Variants in TUBB8 observed in about 807,000 individuals in gnomAD.
TUBB8 encodes tubulin beta 8 class VIII.
TUBB8 carries 25 observed loss-of-function variants against 33.7 expected under a neutral mutation model. The ratio of observed to expected loss-of-function variants is 0.74; its 90% CI spans 0.54 to 1.04. The LOEUF (loss-of-function observed/expected upper bound fraction) is 1.04, where lower values mean the gene tolerates loss of function less well. Ranked by LOEUF, TUBB8 falls within the 50% of genes least tolerant of loss-of-function variation. TUBB8 has a pLI of 0.00. For synonymous variants in TUBB8, 245 were observed against 240.1 expected (o/e 1.02, Z -0.19); for missense variants, 279 against 608.0 (o/e 0.46, Z 5.69).
At chr10:68,883 T>TTTTCTGGAATG (rs1554741966) in intron 1 of TUBB8, among the ~76,000 whole-genome samples, 1 of 152,184 alleles carries the variant, frequency 6.6e-6, no homozygotes, top group Non-Finnish European at 1.5e-5. Context: ...GGGTTTTCCT[T>TTTTCTGGAATG]TTTCTGGAAT....
In TUBB8 at chr10:48,737, G is replaced by A. The variant is rs370654284; in HGVS notation, c.167-12C>T. The A allele has an allele frequency of 5.0e-6, 8 of 1,605,320 alleles. No individual in the cohort carries two copies. The highest frequency in any genetic ancestry group is 1.1e-5 in the South Asian group (1 of 90,856). Reference sequence around the variant, plus strand: ...CACGTACCTGCCACCTGCGTGGGGCGGGAGGGCATGAGCGAGGGGAGGGCC... The same window carrying A: ...CACGTACCTGCCACCTGCGTGGGGCAGGAGGGCATGAGCGAGGGGAGGGCC... On this transcript the variant is annotated splice_polypyrimidine_tract_variant and intron_variant, in intron 2 of 3. Coordinates refer to ENST00000568584, the MANE Select transcript of TUBB8 (RefSeq NM_177987.3).
At chr10:48,964 C>T in intron 1 of TUBB8, 52 bp from the exon 2 acceptor site, 1 of 1,354,762 alleles carries the variant, frequency 7.4e-7, no homozygotes, top group Non-Finnish European at 1.0e-6. Flanking sequence ...AGGGAGGCGC[C>T]CCAGCCGCTC....
Position 47,153 on chromosome 10 carries a change from G to A in TUBB8, c.1239C>T (p.Ser413=). Residue 413 remains serine (S), a synonymous_variant, in exon 4 of 4, where the codon AGC becomes AGT. Transcript: ENST00000568584. The stretch of plus-strand genomic sequence containing the variant: ...ATTCAGACACCAGGTCGTTCATGTT[G>A]CTCTCGGCCTCGGTGAATTCCATCT... ...MDEMEFTEAE[S]NMNDLVSEYQ... 1 of 1,585,928 alleles carries A rather than the reference G, an allele frequency of 6.3e-7. No homozygotes were observed. Among genetic ancestry groups the A allele is most frequent in the East Asian group, 2.2e-5 (1 of 44,632 alleles).
At position 48,833 on chromosome 10, in the gene TUBB8, C is replaced by G. The variant is rs1554738888; in HGVS notation, c.137G>C (p.Arg46Pro). ...YHGDSHLQLE[R>P]INVYYNEASG... is the part of the protein sequence containing the mutation. ...GGCCTCGTTGTAGTACACGTTGATG[C>G]GCTCCAGCTGCAGGTGGCTGTCCCC... Residue 46 changes from arginine to proline, a missense_variant, in exon 2 of 4, where the codon CGC becomes CCC. By Grantham distance (103) the Arg-to-Pro change is moderately radical (BLOSUM62 -2). This residue lies in a region of TUBB8 where 56 missense variants were observed against 77.9 expected (regional missense o/e 0.72). Transcript: ENST00000568584. The G allele has an allele frequency of 6.2e-7, 1 of 1,605,374 alleles. No homozygotes were observed. Among genetic ancestry groups the G allele is most frequent in the Non-Finnish European group, 8.5e-7 (1 of 1,176,694 alleles).
At chr10:70,185 CAT>C (rs1450886137) in intron 1 of TUBB8, among the ~76,000 whole-genome samples, 4 of 152,122 alleles carry the variant, frequency 2.6e-5, no homozygotes, top group Non-Finnish European at 5.9e-5. Flanking sequence ...GTCATTGGGT[CAT>C]AAGAAATTGT....
At chr10:75,182 C>CA (rs1157836029), upstream of TUBB8, among the ~76,000 whole-genome samples, 2 of 59,362 alleles carry the variant, frequency 3.4e-5, no homozygotes, top group Non-Finnish European at 9.2e-5. Context: ...CGCGCCCAGC[C>CA]AAATTTTTTT....
upstream of TUBB8, among the ~76,000 whole-genome samples, chr10:50,851 C>T (rs574328030): frequency 9.2e-5 from 14 of 152,284 alleles, no homozygotes; most frequent in East Asian, 2.7e-3. Flanking sequence ...ATATTTAGCC[C>T]TCCTGTTTTC....
At chr10:62,391 A>C (rs1226447016) in intron 1 of TUBB8, among the ~76,000 whole-genome samples, 1 of 152,190 alleles carries the variant, frequency 6.6e-6, no homozygotes, top group African/African-American at 2.4e-5. Context: ...AAAACTCTAC[A>C]CTTTAACTCC....
upstream of TUBB8, among the ~76,000 whole-genome samples, chr10:51,662 G>C (rs1436316378): frequency 6.6e-6 from 1 of 150,716 alleles, no homozygotes; most frequent in Non-Finnish European, 1.5e-5. Context: ...TTTATGGCTT[G>C]GCAGGCTTTA....
chr10:70,097 A>G (rs1554742113), intron 1 of TUBB8, among the ~76,000 whole-genome samples: 22 of 152,362 alleles, frequency 1.4e-4, no homozygotes, highest in Middle Eastern at 6.8e-3. Flanking sequence ...AACTCTGGTC[A>G]GTAACAATAC....
At chr10:74,605 G>A (rs1554742849), upstream of TUBB8, among the ~76,000 whole-genome samples, 1 of 135,228 alleles carries the variant, frequency 7.4e-6, no homozygotes, top group East Asian at 2.3e-4. Flanking sequence ...CCAGCCTGGC[G>A]ACAGAGCGAG....
At chr10:62,084 T>C (rs536769514) in intron 1 of TUBB8, among the ~76,000 whole-genome samples, 2 of 152,338 alleles carry the variant, frequency 1.3e-5, no homozygotes, top group Non-Finnish European at 1.5e-5. Flanking sequence ...ATTTCATTCA[T>C]GTACATTCAA....
chr10:64,133 T>G (rs1282982413), intron 1 of TUBB8, among the ~76,000 whole-genome samples: 2 of 152,122 alleles, frequency 1.3e-5, no homozygotes, highest in Non-Finnish European at 2.9e-5. Flanking sequence ...CATGTGGAGC[T>G]GGAGTTGGGG....
At chr10:56,763 A>G (rs1834535422) in intron 1 of TUBB8, among the ~76,000 whole-genome samples, 1 of 152,178 alleles carries the variant, frequency 6.6e-6, no homozygotes, top group African/African-American at 2.4e-5. Flanking sequence ...TTTTGGTGGG[A>G]ACACACACCT....
chr10:64,015 G>A (rs1322746129), intron 1 of TUBB8, among the ~76,000 whole-genome samples: 21 of 152,132 alleles, frequency 1.4e-4, no homozygotes, highest in Non-Finnish European at 1.3e-4. Context: ...CTGCTTTGGT[G>A]GCCTTGGATT....
chr10:57,210 G>A (rs1390135131), intron 1 of TUBB8, among the ~76,000 whole-genome samples: 1 of 152,214 alleles, frequency 6.6e-6, no homozygotes, highest in Non-Finnish European at 1.5e-5. Context: ...TGCTCTCATG[G>A]GCTGGTATTG....
chr10:63,867 G>C (rs1429861809), intron 1 of TUBB8, among the ~76,000 whole-genome samples: 2 of 151,974 alleles, frequency 1.3e-5, no homozygotes. Context: ...TCTATATCTG[G>C]GCATTGAAGA....
At chr10:49,355 G>C (rs1367232505), upstream of TUBB8, 67 of 1,037,852 alleles carry the variant, frequency 6.5e-5, no homozygotes, top group Non-Finnish European at 8.5e-5. Context: ...CCTCCGCCTC[G>C]GATTCGGCTC....
rs782151041 is a variant in TUBB8, at chr10:48,923, C to T, written c.58-11G>A. 1.9e-5 allele frequency: 28 copies of T among 1,469,748 alleles called. No homozygotes were observed. Among genetic ancestry groups the T allele is most frequent in the Non-Finnish European group, 9.2e-6 (10 of 1,081,638 alleles). 91.0% of individuals were successfully genotyped at this position (1,469,748 alleles called of 1,614,324 possible). A position where few individuals can be genotyped will look rare whatever the true frequency, so the allele number is the denominator to read the frequency against. ...GATCACCTCCCAGAACTGCAAGAGA[C>T]GGGAGGAGACAGACAGGCCGGGGCT... On this transcript the variant is annotated splice_polypyrimidine_tract_variant and intron_variant, in intron 1 of 3. Coordinates refer to ENST00000568584, the MANE Select transcript of TUBB8 (RefSeq NM_177987.3).
Sources: allele counts gnomAD v4.1 joint callset (sites outside exome capture counted in the v4.1 genomes callset), GRCh38; gene constraint gnomAD v4.1.1; regional missense constraint gnomAD v4.1.1; transcripts MANE v1.5; gene names NCBI Gene and HGNC (gene_info 2026-07-23, HGNC 2026-07-21).